DMRT1: variants seen among roughly 807,000 people sequenced by gnomAD.
DMRT1 encodes doublesex and mab-3 related transcription factor 1, also known as doublesex- and mab-3-related transcription factor 1.
DMRT1 carries 7 observed loss-of-function variants against 32.3 expected under a neutral mutation model. The ratio of observed to expected loss-of-function variants is 0.22; its 90% CI spans 0.12 to 0.41. The LOEUF is 0.41. DMRT1 is among the 10% of genes least tolerant of loss of function. The pLI is 1.00. For synonymous variants in DMRT1, 278 were observed against 206.1 expected (o/e 1.35, Z -2.99); for missense variants, 625 against 500.5 (o/e 1.25, Z -2.37).
At chr9:946,686 C>G (rs958933044) in intron 4 of DMRT1, among the ~76,000 whole-genome samples, 1 of 152,158 alleles carries the variant, frequency 6.6e-6, no homozygotes, top group African/African-American at 2.4e-5. Flanking sequence ...ACTAGGCGAT[C>G]TCCCCAAAAT....
chr9:895,421 T>C (rs1418948982), intron 3 of DMRT1, among the ~76,000 whole-genome samples: 1 of 152,226 alleles, frequency 6.6e-6, no homozygotes, highest in Non-Finnish European at 1.5e-5. Flanking sequence ...TCATTCTGGA[T>C]GCATTTGCCA....
chr9:871,799 T>G (rs992976278), intron 2 of DMRT1, among the ~76,000 whole-genome samples: 1 of 151,156 alleles, frequency 6.6e-6, no homozygotes, highest in East Asian at 1.9e-4. Flanking sequence ...CTCTTAAAGC[T>G]GCATTTCTTT....
intron 2 of DMRT1, among the ~76,000 whole-genome samples, chr9:849,690 T>A (rs953656541): frequency 3.3e-5 from 5 of 152,248 alleles, no homozygotes; most frequent in African/African-American, 1.2e-4. Context: ...GGAGTCATTC[T>A]ACAGCCTTGA....
Position 841,720 on chromosome 9 carries a change from A to G in DMRT1, c.-119A>G. ...CCACTCCAGCTGCGCCTCCGGCTGCAGCGCACACGTCTCCTGCGCCTCCTC... is the reference window on the plus strand; with the variant it reads ...CCACTCCAGCTGCGCCTCCGGCTGCGGCGCACACGTCTCCTGCGCCTCCTC... On this transcript the variant is annotated 5_prime_UTR_variant, in exon 1 of 5. Coordinates refer to ENST00000382276, the MANE Select transcript of DMRT1 (RefSeq NM_021951.3). The G allele has an allele frequency of 5.2e-6, 8 of 1,540,902 alleles. No homozygotes were observed. Among genetic ancestry groups the G allele is most frequent in the Non-Finnish European group, 7.0e-6 (8 of 1,143,892 alleles).
intron 4 of DMRT1, among the ~76,000 whole-genome samples, chr9:926,626 C>T (rs1445196021): frequency 6.6e-6 from 1 of 152,004 alleles, no homozygotes; most frequent in Non-Finnish European, 1.5e-5. Flanking sequence ...ATTGAATACA[C>T]AGAGCAACTA....
chr9:902,283 A>G (rs529873139), intron 3 of DMRT1, among the ~76,000 whole-genome samples: 8 of 149,830 alleles, frequency 5.3e-5, no homozygotes, highest in South Asian at 2.2e-4. Flanking sequence ...TTATTCAGCA[A>G]TGTAAAAAGT....
chr9:956,094 A>C (rs1454495189), intron 4 of DMRT1, among the ~76,000 whole-genome samples: 3 of 152,260 alleles, frequency 2.0e-5, no homozygotes, highest in African/African-American at 4.8e-5. Flanking sequence ...TCGTCTTTAA[A>C]AGGAAGGAAA....
At chr9:893,311 A>G (rs926878059) in intron 2 of DMRT1, among the ~76,000 whole-genome samples, 2 of 152,248 alleles carry the variant, frequency 1.3e-5, no homozygotes, top group African/African-American at 4.8e-5. Context: ...GCCTGTTTTT[A>G]TAAATAAAGT....
Position 847,131 on chromosome 9 carries a change from A to C in DMRT1, c.526A>C (p.Thr176Pro), listed in dbSNP as rs755847957. 6.2e-7 allele frequency: 1 copy of C among 1,612,906 alleles called. No individual in the cohort carries two copies. The highest frequency in any genetic ancestry group is 1.9e-4 in the Middle Eastern group (1 of 5,288). Residue 176 changes from threonine to proline, a missense_variant, in exon 2 of 5, where the codon ACT (threonine) becomes CCT (proline). By Grantham distance (38) the Thr-to-Pro change is conservative. Coordinates refer to ENST00000382276, the MANE Select transcript of DMRT1 (RefSeq NM_021951.3). ...SQPPPASVPT[T>P]AASEGRMVIQ... ...GCCACCGCCGGCCAGTGTCCCCACC[A>C]CTGCAGCTTCAGGTAATCTGGAGGG...
chr9:890,980 C>T (rs185004560), intron 2 of DMRT1, among the ~76,000 whole-genome samples: 1 of 151,826 alleles, frequency 6.6e-6, no homozygotes, highest in Non-Finnish European at 1.5e-5. Flanking sequence ...TCAGACCTAC[C>T]TCAGCCTCCC....
At chr9:844,535 A>C (rs911872296) in intron 1 of DMRT1, among the ~76,000 whole-genome samples, 7 of 148,046 alleles carry the variant, frequency 4.7e-5, no homozygotes, top group African/African-American at 1.9e-4. Context: ...AGTAATAGGA[A>C]ATCCAAGATT....
intron 4 of DMRT1, among the ~76,000 whole-genome samples, chr9:938,395 C>T (rs1818955539): frequency 1.3e-5 from 2 of 152,160 alleles, no homozygotes; most frequent in African/African-American, 4.8e-5. Context: ...ATTAAGTCTT[C>T]CAGTCCATGA....
chr9:893,498 T>G (rs1365950923), intron 2 of DMRT1, among the ~76,000 whole-genome samples: 1 of 152,268 alleles, frequency 6.6e-6, no homozygotes, highest in Non-Finnish European at 1.5e-5. Context: ...TAAATTCACC[T>G]AAACTCTTGG....
At chr9:857,929 A>G (rs1290573936) in intron 2 of DMRT1, among the ~76,000 whole-genome samples, 2 of 151,686 alleles carry the variant, frequency 1.3e-5, no homozygotes, top group East Asian at 1.9e-4. Context: ...TTCCAGTTTC[A>G]TCCATGTCCC....
At chr9:959,966 T>A (rs1217940718) in intron 4 of DMRT1, among the ~76,000 whole-genome samples, 2 of 152,268 alleles carry the variant, frequency 1.3e-5, no homozygotes, top group Non-Finnish European at 2.9e-5. Context: ...ACACCCACTA[T>A]GTGCTCTGCA....
chr9:951,669 C>T (rs1460242694), intron 4 of DMRT1, among the ~76,000 whole-genome samples: 1 of 152,172 alleles, frequency 6.6e-6, no homozygotes, highest in Admixed American at 6.5e-5. Flanking sequence ...AAGCAATATA[C>T]TTAAAGAATA....
chr9:880,481 C>G (rs954856133), intron 2 of DMRT1, among the ~76,000 whole-genome samples: 3 of 152,010 alleles, frequency 2.0e-5, no homozygotes, highest in African/African-American at 4.8e-5. Context: ...AATCCCAGCA[C>G]TTTGGGAGGC....
At chr9:895,715 C>A (rs1330150044) in intron 3 of DMRT1, among the ~76,000 whole-genome samples, 4 of 151,632 alleles carry the variant, frequency 2.6e-5, no homozygotes, top group Admixed American at 2.6e-4. Flanking sequence ...ACTCTATTAG[C>A]ATTTTTCAGG....
chr9:851,283 G>A (rs1839141222), intron 2 of DMRT1, among the ~76,000 whole-genome samples: 1 of 152,082 alleles, frequency 6.6e-6, no homozygotes, highest in Admixed American at 6.6e-5. Context: ...CTATCGCCCA[G>A]GCTGGAGTGC....
Sources: gnomAD v4.1 joint callset for allele counts (sites outside exome capture counted in the v4.1 genomes callset) on GRCh38, gnomAD v4.1.1 for gene constraint, MANE v1.5 for transcripts, NCBI Gene and HGNC (gene_info 2026-07-23, HGNC 2026-07-21) for gene names.